LPA: variants seen among roughly 807,000 people sequenced by gnomAD.
LPA encodes apolipoprotein(a).
Under a neutral mutation model 197.9 loss-of-function variants are expected in LPA, and 199 were observed. That is an observed-to-expected ratio of 1.01 (90% CI 0.90 to 1.13). The LOEUF (loss-of-function observed/expected upper bound fraction) is 1.13, where lower values mean the gene tolerates loss of function less well. Ranked by LOEUF, LPA falls within the 50% of genes most tolerant of loss-of-function variation. The pLI, the probability that LPA is intolerant of heterozygous loss-of-function variation, is 0.00. For synonymous variants in LPA, 715 were observed against 639.5 expected, an observed-to-expected ratio of 1.12 and a Z score of -1.78; for missense variants, 1,853 against 1,785.8, an observed-to-expected ratio of 1.04 and a Z score of -0.68.
At chr6:160,606,424 G>A in intron 17 of LPA, 53 bp downstream of exon 17, 1 of 1,599,062 alleles carries the variant, frequency 6.3e-7, no homozygotes, top group Non-Finnish European at 8.6e-7. Flanking sequence ...GAATTTCCAT[G>A]GCTTTTCATC....
At chr6:160,655,484 T>C (rs1950564) in intron 1 of LPA, among the ~76,000 whole-genome samples, 87,681 of 152,096 alleles carry the variant, frequency 0.58, 25,981 homozygotes, top group Middle Eastern at 0.67. Context: ...CTGGCAGCCT[T>C]TCAGGTCACT....
intron 28 of LPA, among the ~76,000 whole-genome samples, chr6:160,571,571 C>T (rs560295193): frequency 7.9e-5 from 12 of 152,276 alleles, no homozygotes; most frequent in African/African-American, 2.4e-4. Context: ...AGATGCCCTG[C>T]CCAGAGAGGA....
intron 1 of LPA, among the ~76,000 whole-genome samples, chr6:160,658,288 C>T (rs1780164543): frequency 6.6e-6 from 1 of 152,198 alleles, no homozygotes; most frequent in Admixed American, 6.5e-5. Context: ...AATGCCCTCA[C>T]TTTAACAGTA....
At position 160,634,844 on chromosome 6, in the gene LPA, C is replaced by T. The variant is rs545491716; in HGVS notation, c.1075+279G>A. 3.5e-3 allele frequency among the ~76,000 whole-genome samples: 525 copies of T among 150,184 alleles called. 15 individuals are homozygous for T. Among genetic ancestry groups the T allele is most frequent in the Non-Finnish European group, 5.9e-3 (402 of 67,900 alleles). On this transcript the variant is annotated intron_variant, in intron 7 of 38. Coordinates refer to ENST00000316300, the MANE Select transcript of LPA (RefSeq NM_005577.4). ...CAGCACGTTACAATAAAAATTTTGG[C>T]TAAGACACTGAGATAGCCCATTTTA...
In LPA at chr6:160,654,002, ATAATATATATT is replaced by A. The variant is rs1780065337; in HGVS notation, c.50-3516_50-3506del. Among the ~76,000 whole-genome samples the A allele has an allele frequency of 1.1e-4, 2 of 17,400 alleles. 1 individual carries two copies. Among genetic ancestry groups the A allele is most frequent in the African/African-American group, 5.5e-4 (2 of 3,610 alleles). The allele number at this position is 17,400 out of a possible 152,430, so 11.4% of individuals were successfully genotyped here. On this transcript the variant is annotated intron_variant, in intron 1 of 38. Transcript: ENST00000316300. The stretch of plus-strand genomic sequence containing the variant: ...ATATAATATATAATATATATTATAT[ATAATATATATT>A]ATATATAATATATAATATATATTAT...
chr6:160,578,680 C>T lies in LPA; in HGVS notation c.4314G>A (p.Arg1438=), dbSNP rs1778733614. The T allele has an allele frequency of 1.2e-6, 2 of 1,613,738 alleles. No homozygotes were observed. The highest frequency in any genetic ancestry group is 8.5e-7 in the Non-Finnish European group (1 of 1,179,908). The change falls in exon 27 of 39, where the codon AGG becomes AGA. Residue 1438 remains arginine (R), a synonymous_variant. Transcript: ENST00000316300. ...PNAGLTRNYC[R]NPDAEIRPWC... is the part of the protein sequence containing the mutation. ...AAGGGCGAATCTCAGCATCTGGATTCCTGCAGTAGTTCCTGGTCAGGCCAC... is the reference window on the plus strand; with the variant it reads ...AAGGGCGAATCTCAGCATCTGGATTTCTGCAGTAGTTCCTGGTCAGGCCAC...
intron 2 of LPA, among the ~76,000 whole-genome samples, chr6:160,648,527 C>T (rs1427906439): frequency 6.6e-6 from 1 of 151,706 alleles, no homozygotes; most frequent in African/African-American, 2.4e-5. Context: ...CTGTGTGGCT[C>T]GGTTGATTTC....
rs1251566744 is a variant in LPA, at chr6:160,563,069, A to G, written c.4632-5498T>C. 4.6e-5 allele frequency among the ~76,000 whole-genome samples: 7 copies of G among 152,114 alleles called. No homozygotes were observed. The South Asian group carries it at 1.0e-3, about 23-fold the overall frequency. On this transcript the variant is annotated intron_variant, in intron 28 of 38. Transcript: ENST00000316300. The stretch of plus-strand genomic sequence containing the variant: ...GGGTTTTCGTGTCTTTATCCCCTTC[A>G]GTTCTGCTCTGATCTTAGTTATTTC...
intron 14 of LPA, among the ~76,000 whole-genome samples, chr6:160,615,315 G>A (rs1267065115): frequency 6.8e-6 from 1 of 147,402 alleles, no homozygotes; most frequent in Non-Finnish European, 1.5e-5. Flanking sequence ...GAACTTGTGA[G>A]TTTCTGCGTG....
At chr6:160,572,880 G>T (rs1470232261) in intron 28 of LPA, among the ~76,000 whole-genome samples, 1 of 152,096 alleles carries the variant, frequency 6.6e-6, no homozygotes, top group Admixed American at 6.5e-5. Context: ...ATGAGAATGT[G>T]CCTAGGCTAA....
At chr6:160,597,453 C>T (rs1045362947) in intron 20 of LPA, among the ~76,000 whole-genome samples, 10 of 152,160 alleles carry the variant, frequency 6.6e-5, no homozygotes, top group South Asian at 2.1e-4. Context: ...AGGATTCACA[C>T]CTGTGTGGGT....
intron 25 of LPA, 110 bp downstream of exon 25, chr6:160,586,339 T>C: frequency 7.6e-7 from 1 of 1,319,180 alleles, no homozygotes; most frequent in Non-Finnish European, 1.1e-6. Context: ...TGTCCATGAC[T>C]TCACCTTCGA....
chr6:160,590,810 T>A (rs1779010372), intron 23 of LPA, 134 bp downstream of exon 23: 2 of 1,254,822 alleles, frequency 1.6e-6, no homozygotes, highest in Non-Finnish European at 2.3e-6. Context: ...CGCTGAGGCT[T>A]CCTTCCCATT....
At chr6:160,584,230 CT>C (rs1562331232) in intron 26 of LPA, among the ~76,000 whole-genome samples, 8 of 95,128 alleles carry the variant, frequency 8.4e-5, no homozygotes, top group African/African-American at 1.4e-4. Context: ...TCTTCTTCTT[CT>C]TCTTCTTCCT....
intron 28 of LPA, among the ~76,000 whole-genome samples, chr6:160,567,646 G>A (rs955988441): frequency 2.0e-5 from 3 of 152,144 alleles, no homozygotes; most frequent in Non-Finnish European, 4.4e-5. Flanking sequence ...ACTAAGACCA[G>A]AGCAGAACTG....
chr6:160,650,541 C>T (rs1488197185), intron 1 of LPA, 44 bp from the exon 2 acceptor site: 1 of 1,598,586 alleles, frequency 6.3e-7, no homozygotes, highest in Non-Finnish European at 8.6e-7. Context: ...GTTCTTAGAA[C>T]AGAAAAAAAT....
chr6:160,610,806 G>A lies in LPA; in HGVS notation c.2603+756C>T, dbSNP rs370186443. ...AAGGGTATCCAGGAAGAAAGCCAAG[G>A]CATCTATGGAGTTGAGCTCATCATT... On this transcript the variant is annotated intron_variant, in intron 16 of 38. Coordinates refer to ENST00000316300, the MANE Select transcript of LPA (RefSeq NM_005577.4). Among the ~76,000 whole-genome samples the A allele has an allele frequency of 1.5e-4, 23 of 152,224 alleles. 1 individual carries two copies. The highest frequency in any genetic ancestry group is 5.1e-4 in the African/African-American group (21 of 41,498).
At chr6:160,600,121 C>A (rs1245102440) in intron 19 of LPA, among the ~76,000 whole-genome samples, 5 of 152,128 alleles carry the variant, frequency 3.3e-5, no homozygotes, top group African/African-American at 1.2e-4. Context: ...AAAAAGAAAG[C>A]ATTAAACTCC....
intron 18 of LPA, among the ~76,000 whole-genome samples, chr6:160,602,851 G>A (rs950209388): frequency 2.6e-5 from 4 of 152,066 alleles, no homozygotes; most frequent in African/African-American, 9.7e-5. Context: ...CAGTGTTTCT[G>A]ATGAGAATGC....
Sources: gnomAD v4.1 joint callset for allele counts (sites outside exome capture counted in the v4.1 genomes callset) on GRCh38, gnomAD v4.1.1 for gene constraint, MANE v1.5 for transcripts, NCBI Gene and HGNC (gene_info 2026-07-23, HGNC 2026-07-21) for gene names.